Variants in ADARB2 observed in about 807,000 individuals in gnomAD.
ADARB2 encodes the protein adenosine deaminase RNA specific B2 (inactive).
Under a neutral mutation model 62.2 loss-of-function variants are expected in ADARB2, and 25 were observed. The ratio of observed to expected loss-of-function variants is 0.40; its 90% CI spans 0.29 to 0.56. ADARB2 has a LOEUF of 0.56. Among genes scored for constraint, ADARB2 ranks in the 20% least tolerant of loss-of-function variants. ADARB2 has a pLI of 0.43. For synonymous variants in ADARB2, 572 were observed against 500.8 expected, an observed-to-expected ratio of 1.14 and a Z score of -1.90; for missense variants, 1,071 against 1,077.4, an observed-to-expected ratio of 0.99 and a Z score of 0.08.
chr10:1,586,649 G>C (rs1185207387), intron 1 of ADARB2, among the ~76,000 whole-genome samples: 1 of 152,138 alleles, frequency 6.6e-6, no homozygotes, highest in African/African-American at 2.4e-5. Context: ...TAAATCTCAA[G>C]TTGCTTTGCC....
intron 1 of ADARB2, among the ~76,000 whole-genome samples, chr10:1,511,690 G>A (rs759494672): frequency 3.3e-5 from 5 of 151,238 alleles, no homozygotes; most frequent in Admixed American, 6.6e-5. Flanking sequence ...ACACCAAGAC[G>A]TCGATACTGT....
chr10:1,640,832 T>TG (rs1833971724), intron 1 of ADARB2, among the ~76,000 whole-genome samples: 1 of 152,162 alleles, frequency 6.6e-6, no homozygotes, highest in Non-Finnish European at 1.5e-5. Context: ...TGGTAAATGG[T>TG]GAATTTTAGT....
At chr10:1,341,649 A>T (rs1218505026) in intron 3 of ADARB2, among the ~76,000 whole-genome samples, 2 of 120,150 alleles carry the variant, frequency 1.7e-5, no homozygotes, top group African/African-American at 6.5e-5. Context: ...GTGCCCTGCA[A>T]CGGCGATAAT....
At position 1,178,750 on chromosome 10, in the gene ADARB2, G is replaced by A. The variant is rs1165584796; in HGVS notation, c.*4443C>T. On this transcript the variant is annotated 3_prime_UTR_variant, in exon 10 of 10. Transcript: ENST00000381312. ...CGCGAGCTCTGCAAAAACTGCAGGC[G>A]AGGACAGGCTTTGGAGGTATGTGGG... 4 of 152,194 alleles carry A rather than the reference G, an allele frequency of 2.6e-5. No homozygotes were observed. The highest frequency in any genetic ancestry group is 5.9e-5 in the Non-Finnish European group (4 of 68,056). 9.4% of individuals were successfully genotyped at this position (152,194 alleles called of 1,614,324 possible). A position where few individuals can be genotyped will look rare whatever the true frequency, so the allele number is the denominator to read the frequency against.
chr10:1,363,311 C>T lies in ADARB2; in HGVS notation c.794G>A (p.Gly265Asp). The change falls in exon 3 of 10, where the codon GGC (glycine) becomes GAC (aspartate). Residue 265 changes from glycine to aspartate, a missense_variant. Transcript: ENST00000381312. ...RLLCRALDLV[G>D]PTPATPAAPG... ...GGCCGCGGGGGTGGCGGGGGTCGGG[C>T]CCACCAGGTCCAGCGCGCGGCACAG... 3.2e-6 allele frequency: 4 copies of T among 1,232,558 alleles called. No homozygotes were observed. The highest frequency in any genetic ancestry group is 4.1e-6 in the Non-Finnish European group (4 of 987,326). 76.4% of individuals were successfully genotyped at this position (1,232,558 alleles called of 1,614,324 possible).
At chr10:1,392,559 G>A (rs973019799) in intron 1 of ADARB2, among the ~76,000 whole-genome samples, 3 of 149,214 alleles carry the variant, frequency 2.0e-5, no homozygotes, top group Non-Finnish European at 1.5e-5. Flanking sequence ...GGCAGGAGGA[G>A]GAGTAACATT....
At chr10:1,440,922 C>T (rs1737287908) in intron 1 of ADARB2, among the ~76,000 whole-genome samples, 1 of 152,216 alleles carries the variant, frequency 6.6e-6, no homozygotes, top group South Asian at 2.1e-4. Flanking sequence ...GTGTTCAAGC[C>T]TCACTCCAGC....
At chr10:1,437,259 C>CACATATATACAG (rs1367876165) in intron 1 of ADARB2, among the ~76,000 whole-genome samples, 37 of 152,114 alleles carry the variant, frequency 2.4e-4, no homozygotes, top group South Asian at 4.2e-4. Flanking sequence ...TATACACACA[C>CACATATATACAG]ACACACATGC....
rs7903541 is a variant in ADARB2, at chr10:1,471,575, T to C, written c.101-92415A>G. On this transcript the variant is annotated intron_variant, in intron 1 of 9. Coordinates refer to ENST00000381312, the MANE Select transcript of ADARB2 (RefSeq NM_018702.4). ...CTGGCTAATTTTTTTGTATTTTTAGTAAAGACAGTGTTTCTCCATGTTGGT... is the reference window on the plus strand; with the variant it reads ...CTGGCTAATTTTTTTGTATTTTTAGCAAAGACAGTGTTTCTCCATGTTGGT... Among the ~76,000 whole-genome samples, 1,298 of 152,192 alleles carry C rather than the reference T, an allele frequency of 8.5e-3. 20 individuals carry two copies. Among genetic ancestry groups the C allele is most frequent in the East Asian group, 0.041 (210 of 5,174 alleles).
chr10:1,645,251 G>T (rs1292527501), intron 1 of ADARB2, among the ~76,000 whole-genome samples: 1 of 152,220 alleles, frequency 6.6e-6, no homozygotes, highest in Non-Finnish European at 1.5e-5. Flanking sequence ...GCTTACGCAT[G>T]CATGGCTATG....
Position 1,363,695 on chromosome 10 carries a change from C to T in ADARB2, c.410G>A (p.Arg137Lys), listed in dbSNP as rs760688924. Residue 137 changes from arginine to lysine, a missense_variant, in exon 3 of 10, where the codon AGG (arginine) becomes AAG (lysine). Physicochemically the swap from Arg to Lys is conservative, Grantham distance 26 (BLOSUM62 2). Coordinates refer to ENST00000381312, the MANE Select transcript of ADARB2 (RefSeq NM_018702.4). ...CACTGTCCGGTACTGCAGGCCCGGCCTCAGCTCGTGCAGCTGCACCAGCGC... is the reference window on the plus strand; with the variant it reads ...CACTGTCCGGTACTGCAGGCCCGGCTTCAGCTCGTGCAGCTGCACCAGCGC... ...KNALVQLHEL[R>K]PGLQYRTVSQ... 2.5e-5 allele frequency: 40 copies of T among 1,611,584 alleles called. No homozygotes were observed. Among genetic ancestry groups the T allele is most frequent in the Non-Finnish European group, 3.3e-5 (39 of 1,179,380 alleles).
chr10:1,489,306 G>A (rs1831590817), intron 1 of ADARB2, among the ~76,000 whole-genome samples: 1 of 148,978 alleles, frequency 6.7e-6, no homozygotes, highest in African/African-American at 2.5e-5. Flanking sequence ...AGCAAGGCGT[G>A]ACAGTGCCTC....
chr10:1,328,255 T>C (rs79837485), intron 3 of ADARB2, among the ~76,000 whole-genome samples: 2,585 of 152,266 alleles, frequency 0.017, 67 homozygotes, highest in African/African-American at 0.058. Context: ...CAAGGAGGGA[T>C]TCTGGAACCC....
chr10:1,615,266 C>T (rs1342441301), intron 1 of ADARB2, among the ~76,000 whole-genome samples: 1 of 152,176 alleles, frequency 6.6e-6, no homozygotes, highest in Non-Finnish European at 1.5e-5. Flanking sequence ...GGAGCCAATG[C>T]CATGGCCTTG....
At chr10:1,349,096 T>C (rs746267260) in intron 3 of ADARB2, among the ~76,000 whole-genome samples, 2 of 152,182 alleles carry the variant, frequency 1.3e-5, no homozygotes, top group African/African-American at 4.8e-5. Context: ...GTTTCTGCCT[T>C]AACTGATGAC....
chr10:1,244,220 G>A (rs1238488397), intron 4 of ADARB2, among the ~76,000 whole-genome samples: 1 of 152,268 alleles, frequency 6.6e-6, no homozygotes, highest in East Asian at 1.9e-4. Flanking sequence ...GTGACATGTG[G>A]ACTGTTGAGA....
chr10:1,537,458 C>T (rs1832347382), intron 1 of ADARB2, among the ~76,000 whole-genome samples: 1 of 152,246 alleles, frequency 6.6e-6, no homozygotes, highest in South Asian at 2.1e-4. Flanking sequence ...AATCCCATTA[C>T]TGGGTATATA....
intron 7 of ADARB2, among the ~76,000 whole-genome samples, chr10:1,211,683 T>G (rs944406312): frequency 6.6e-6 from 1 of 152,212 alleles, no homozygotes. Flanking sequence ...GTAAGCACCA[T>G]CACTGTGGCC....
rs192023980 is a variant in ADARB2 at position 1,279,686 on chromosome 10, C to T, written c.1078-8617G>A. Among the ~76,000 whole-genome samples, 197 of 152,272 alleles carry T rather than the reference C, an allele frequency of 1.3e-3. 1 individual carries two copies. The highest frequency in any genetic ancestry group is 4.4e-3 in the African/African-American group (184 of 41,550). On this transcript the variant is annotated intron_variant, in intron 3 of 9. Coordinates refer to ENST00000381312, the MANE Select transcript of ADARB2 (RefSeq NM_018702.4). ...CCTCAACTCCATGACCTCATTTTGC[C>T]GTAAGTACTTCCTTAGGGTTTTGGA...
Sources: gnomAD v4.1 joint callset for allele counts (sites outside exome capture counted in the v4.1 genomes callset) on GRCh38, gnomAD v4.1.1 for gene constraint, MANE v1.5 for transcripts, NCBI Gene and HGNC (gene_info 2026-07-23, HGNC 2026-07-21) for gene names.